DIP2C: variants seen among roughly 807,000 people sequenced by gnomAD.
The protein encoded by DIP2C is disco-interacting protein 2 homolog C.
In DIP2C, 33 loss-of-function variants were observed where a neutral mutation model predicts 192.4. That is an observed-to-expected ratio of 0.17 (90% CI 0.13 to 0.23). The LOEUF (loss-of-function observed/expected upper bound fraction) is 0.23. Among genes scored for constraint, DIP2C ranks in the 10% least tolerant of loss-of-function variants. DIP2C has a pLI of 1.00. For missense variants in DIP2C, 1,537 were observed against 2,110.1 expected (o/e 0.73, Z 5.32); for synonymous variants, 979 against 864.1 (o/e 1.13, Z -2.33).
At chr10:329,776 G>A (rs1230180423) in intron 29 of DIP2C, among the ~76,000 whole-genome samples, 175 bp from the exon 30 acceptor site, 1 of 152,204 alleles carries the variant, frequency 6.6e-6, no homozygotes, top group East Asian at 1.9e-4. Context: ...CCATGTTCAC[G>A]AAAGCCTTCT....
intron 1 of DIP2C, among the ~76,000 whole-genome samples, chr10:617,343 T>G (rs1450877060): frequency 6.6e-6 from 1 of 152,066 alleles, no homozygotes; most frequent in East Asian, 1.9e-4. Context: ...CACTCAGCTG[T>G]GATGTGAGCC....
intron 1 of DIP2C, chr10:661,913 C>A: frequency 1.5e-6 from 1 of 650,410 alleles, no homozygotes; most frequent in Non-Finnish European, 2.8e-6. Context: ...GGTGTAGACT[C>A]ACAGCTTCAT....
chr10:485,826 G>A (rs973104861), intron 2 of DIP2C, among the ~76,000 whole-genome samples: 5 of 152,172 alleles, frequency 3.3e-5, no homozygotes, highest in East Asian at 1.9e-4. Context: ...TTTCAAGGTC[G>A]CTCTTGGGCT....
intron 17 of DIP2C, among the ~76,000 whole-genome samples, chr10:377,017 T>C (rs1483351939): frequency 2.0e-5 from 3 of 152,194 alleles, no homozygotes; most frequent in Non-Finnish European, 4.4e-5. Context: ...TGATTTAATG[T>C]AATATTCTTC....
chr10:347,283 T>C (rs1958524577), intron 26 of DIP2C, among the ~76,000 whole-genome samples: 1 of 109,812 alleles, frequency 9.1e-6, no homozygotes, highest in Non-Finnish European at 1.8e-5. Context: ...CACGCATAGT[T>C]CTCCCGGGAA....
At chr10:577,016 T>C (rs1850205307) in intron 1 of DIP2C, among the ~76,000 whole-genome samples, 1 of 152,192 alleles carries the variant, frequency 6.6e-6, no homozygotes, top group African/African-American at 2.4e-5. Flanking sequence ...GTTGATCCAG[T>C]TTTTTCTTAC....
Position 384,160 on chromosome 10 carries a change from T to C in DIP2C, c.1757-14A>G, listed in dbSNP as rs201445657. On this transcript the variant is annotated splice_polypyrimidine_tract_variant and intron_variant, in intron 15 of 36. Coordinates refer to ENST00000280886, the MANE Select transcript of DIP2C (RefSeq NM_014974.3). The stretch of plus-strand genomic sequence containing the variant: ...ACGCCACTTTTGCTAAAAAGAAAAA[T>C]AGAAATAAGTTAACATGTGCCACCG... 7.8e-4 allele frequency: 1,248 copies of C among 1,605,448 alleles called. 6 individuals are homozygous for C. Among genetic ancestry groups the C allele is most frequent in the Middle Eastern group, 6.6e-4 (4 of 6,026 alleles).
intron 1 of DIP2C, among the ~76,000 whole-genome samples, chr10:502,324 A>G (rs1483056629): frequency 6.6e-6 from 1 of 152,246 alleles, no homozygotes; most frequent in Non-Finnish European, 1.5e-5. Flanking sequence ...GGTGAACTAA[A>G]TAAAACCACC....
intron 18 of DIP2C, among the ~76,000 whole-genome samples, chr10:367,698 G>A (rs996926041): frequency 2.0e-5 from 3 of 152,174 alleles, no homozygotes; most frequent in African/African-American, 7.2e-5. Flanking sequence ...TCACCAAACG[G>A]GGGGGCTCAA....
At chr10:654,097 G>A (rs1856127982) in intron 1 of DIP2C, among the ~76,000 whole-genome samples, 1 of 152,198 alleles carries the variant, frequency 6.6e-6, no homozygotes, top group Admixed American at 6.5e-5. Flanking sequence ...GCACGCACAG[G>A]CAGTGAGGGC....
At chr10:581,265 G>T (rs1850636873) in intron 1 of DIP2C, among the ~76,000 whole-genome samples, 1 of 152,156 alleles carries the variant, frequency 6.6e-6, no homozygotes, top group South Asian at 2.1e-4. Flanking sequence ...CCATGTGTTT[G>T]TATGTCTAAA....
chr10:473,182 G>A (rs1268209521), intron 2 of DIP2C, among the ~76,000 whole-genome samples: 1 of 152,152 alleles, frequency 6.6e-6, no homozygotes, highest in African/African-American at 2.4e-5. Context: ...CGGTTTAATG[G>A]TATTGGTCAA....
intron 5 of DIP2C, among the ~76,000 whole-genome samples, chr10:419,877 C>T (rs556989129): frequency 6.6e-6 from 1 of 152,330 alleles, no homozygotes; most frequent in African/African-American, 2.4e-5. Context: ...CTTTCTCTTA[C>T]AGCACCCCCT....
chr10:670,224 G>T (rs376816472), intron 1 of DIP2C, among the ~76,000 whole-genome samples: 1 of 142,434 alleles, frequency 7.0e-6, no homozygotes, highest in African/African-American at 3.1e-5. Flanking sequence ...ATACGCACAC[G>T]CATGCATGCA....
chr10:555,070 A>T (rs888204285), intron 1 of DIP2C, among the ~76,000 whole-genome samples: 1 of 152,254 alleles, frequency 6.6e-6, no homozygotes, highest in African/African-American at 2.4e-5. Context: ...CATGTTTATC[A>T]CAACTAATTC....
chr10:524,410 A>G (rs1383997579), intron 1 of DIP2C, among the ~76,000 whole-genome samples: 1 of 152,252 alleles, frequency 6.6e-6, no homozygotes, highest in Admixed American at 6.5e-5. Flanking sequence ...TCAGACCTAT[A>G]TGTGACTGGA....
At chr10:601,371 A>G (rs1360557378) in intron 1 of DIP2C, among the ~76,000 whole-genome samples, 1 of 152,070 alleles carries the variant, frequency 6.6e-6, no homozygotes, top group East Asian at 1.9e-4. Flanking sequence ...GTCCAAATGC[A>G]TATGTCAAAG....
chr10:367,263 A>G (rs2037004151), intron 18 of DIP2C, among the ~76,000 whole-genome samples: 1 of 152,154 alleles, frequency 6.6e-6, no homozygotes, highest in South Asian at 2.1e-4. Context: ...TAAAAATACA[A>G]AAAAGTAGCC....
chr10:610,613 C>T lies in DIP2C; in HGVS notation c.85+78881G>A, dbSNP rs143122376. On this transcript the variant is annotated intron_variant, in intron 1 of 36. Transcript: ENST00000280886. ...AATAAACCAATGACAGAATCGTTTG[C>T]GAAGCAAGTGCAGGTAAGAACGGGG... is the stretch of plus-strand genomic sequence containing the variant. Among the ~76,000 whole-genome samples the T allele has an allele frequency of 2.6e-4, 40 of 152,344 alleles. No individual in the cohort carries two copies. In the East Asian group the frequency reaches 6.6e-3, roughly 25 times the overall value.
Sources: gnomAD v4.1 joint callset for allele counts (sites outside exome capture counted in the v4.1 genomes callset) on GRCh38, gnomAD v4.1.1 for gene constraint, MANE v1.5 for transcripts, NCBI Gene and HGNC (gene_info 2026-07-23, HGNC 2026-07-21) for gene names.